SORCS3: variants seen among roughly 807,000 people sequenced by gnomAD.
SORCS3 encodes VPS10 domain-containing receptor SorCS3.
Under a neutral mutation model 146.3 loss-of-function variants are expected in SORCS3, and 57 were observed. The observed-to-expected ratio is 0.39, with a 90% CI of 0.31 to 0.49. The LOEUF is 0.49. Among genes scored for constraint, SORCS3 ranks in the 20% least tolerant of loss-of-function variants. The pLI, the probability that SORCS3 is intolerant of heterozygous loss-of-function variation, is 0.92. For synonymous variants in SORCS3, 653 were observed against 618.5 expected, an observed-to-expected ratio of 1.06 and a Z score of -0.83; for missense variants, 1,341 against 1,575.5, an observed-to-expected ratio of 0.85 and a Z score of 2.52.
intron 4 of SORCS3, among the ~76,000 whole-genome samples, chr10:105,005,664 C>G (rs77860677): frequency 0.023 from 3,573 of 152,208 alleles, 130 homozygotes; most frequent in African/African-American, 0.075. Flanking sequence ...TTTGTAACCT[C>G]TCTAAATAAA....
At chr10:104,758,389 C>T (rs2017082203) in intron 1 of SORCS3, among the ~76,000 whole-genome samples, 1 of 152,082 alleles carries the variant, frequency 6.6e-6, no homozygotes, top group African/African-American at 2.4e-5. Context: ...GCTATAATCT[C>T]ACTCATTTAT....
chr10:105,178,231 T>C (rs1269732252), intron 14 of SORCS3, 58 bp downstream of exon 14: 15 of 1,382,342 alleles, frequency 1.1e-5, no homozygotes, highest in South Asian at 7.7e-5. Context: ...TCTACTTTCA[T>C]TGAGGCCTTG....
intron 4 of SORCS3, among the ~76,000 whole-genome samples, chr10:105,034,766 A>G (rs1021658084): frequency 1.3e-5 from 2 of 152,210 alleles, no homozygotes; most frequent in Non-Finnish European, 2.9e-5. Context: ...AGGCTGCCAT[A>G]TTAACTGGCA....
chr10:104,984,541 A>G (rs575769858), intron 4 of SORCS3, among the ~76,000 whole-genome samples: 2 of 152,202 alleles, frequency 1.3e-5, no homozygotes, highest in South Asian at 4.1e-4. Context: ...TATCAAAGTC[A>G]TTTATAATGG....
chr10:104,722,341 G>T (rs1248832823), intron 1 of SORCS3, among the ~76,000 whole-genome samples: 2 of 152,194 alleles, frequency 1.3e-5, no homozygotes, highest in Admixed American at 6.5e-5. Flanking sequence ...CTTGATCATG[G>T]TGGATAAGCT....
At chr10:104,758,083 G>A (rs940533613) in intron 1 of SORCS3, among the ~76,000 whole-genome samples, 5 of 152,148 alleles carry the variant, frequency 3.3e-5, no homozygotes, top group Non-Finnish European at 7.4e-5. Context: ...TCCACACTGA[G>A]GAATGAAGTT....
chr10:104,674,250 G>A (rs2015889301), intron 1 of SORCS3, among the ~76,000 whole-genome samples: 1 of 152,180 alleles, frequency 6.6e-6, no homozygotes, highest in Non-Finnish European at 1.5e-5. Flanking sequence ...GCTCTAATGT[G>A]GTTCTAACAG....
chr10:104,808,023 G>C (rs929687517), intron 1 of SORCS3, among the ~76,000 whole-genome samples: 3 of 152,198 alleles, frequency 2.0e-5, no homozygotes, highest in Admixed American at 6.5e-5. Flanking sequence ...GCACAGGGGA[G>C]AGCTGAGGGA....
rs746192625 is a variant in SORCS3 at position 105,247,349 on chromosome 10, T to C, written c.3105+18T>C. On this transcript the variant is annotated intron_variant, in intron 22 of 26. Coordinates refer to ENST00000369701, the MANE Select transcript of SORCS3 (RefSeq NM_014978.3). ...TGGTTAAAGTAAGTTGGCTTTGTCTTTTTTTAAGTTCTTGTGAATAAAGAA... is the reference window on the plus strand; with the variant it reads ...TGGTTAAAGTAAGTTGGCTTTGTCTCTTTTTAAGTTCTTGTGAATAAAGAA... The C allele has an allele frequency of 1.4e-6, 2 of 1,419,130 alleles. No homozygotes were observed. The highest frequency in any genetic ancestry group is 2.3e-5 in the South Asian group (2 of 85,892). 87.9% of individuals were successfully genotyped at this position (1,419,130 alleles called of 1,614,324 possible).
chr10:105,118,953 T>C (rs527886516), intron 7 of SORCS3, among the ~76,000 whole-genome samples: 7 of 152,278 alleles, frequency 4.6e-5, no homozygotes, highest in African/African-American at 1.7e-4. Flanking sequence ...GCTGCATAAA[T>C]TTGCATAAGT....
intron 2 of SORCS3, among the ~76,000 whole-genome samples, chr10:104,915,510 A>T (rs898130859): frequency 4.0e-4 from 1 of 2,510 alleles, no homozygotes; most frequent in Admixed American, 5.1e-3. Context: ...CTCCACACAG[A>T]GCTGGGGTGG....
At chr10:104,905,848 A>G (rs1352181528) in intron 2 of SORCS3, among the ~76,000 whole-genome samples, 2 of 152,086 alleles carry the variant, frequency 1.3e-5, no homozygotes, top group Non-Finnish European at 2.9e-5. Flanking sequence ...CGGGCTGAAG[A>G]CTCTGGGAGG....
chr10:104,825,293 G>A (rs2017922707), intron 1 of SORCS3, among the ~76,000 whole-genome samples: 1 of 152,164 alleles, frequency 6.6e-6, no homozygotes, highest in Non-Finnish European at 1.5e-5. Context: ...ACTGAATGAA[G>A]GGCGTGATCT....
At chr10:104,950,906 C>T (rs1021000178) in intron 3 of SORCS3, among the ~76,000 whole-genome samples, 1 of 152,164 alleles carries the variant, frequency 6.6e-6, no homozygotes, top group African/African-American at 2.4e-5. Context: ...AGGCTGGCCT[C>T]TAAATATAAA....
At chr10:105,226,930 A>G (rs766740586) in intron 20 of SORCS3, among the ~76,000 whole-genome samples, 1 of 151,526 alleles carries the variant, frequency 6.6e-6, no homozygotes, top group Non-Finnish European at 1.5e-5. Flanking sequence ...TTCTGATTTT[A>G]TTTGAGTCTT....
chr10:104,894,642 A>T (rs2018781067), intron 2 of SORCS3, among the ~76,000 whole-genome samples: 1 of 152,210 alleles, frequency 6.6e-6, no homozygotes. Context: ...GGACCCATGC[A>T]CGAGGTATTT....
At chr10:105,045,021 GAAAA>G (rs35904016) in intron 5 of SORCS3, among the ~76,000 whole-genome samples, 30 of 117,998 alleles carry the variant, frequency 2.5e-4, no homozygotes, top group African/African-American at 2.7e-4. Context: ...TCCAGAATTC[GAAAA>G]AAAAAAAAAA....
chr10:104,850,232 G>A (rs1009769831), intron 2 of SORCS3, among the ~76,000 whole-genome samples: 12 of 152,160 alleles, frequency 7.9e-5, no homozygotes, highest in Admixed American at 2.6e-4. Flanking sequence ...AAATTTATGG[G>A]CCCTACCCAA....
At chr10:104,741,924 C>CATCTGT (rs1222696704) in intron 1 of SORCS3, among the ~76,000 whole-genome samples, 6 of 151,858 alleles carry the variant, frequency 4.0e-5, no homozygotes, top group African/African-American at 1.5e-4. Flanking sequence ...AAAATTCCAA[C>CATCTGT]ATCTGTATCC....
Sources: gnomAD v4.1 joint callset for allele counts (sites outside exome capture counted in the v4.1 genomes callset) on GRCh38, gnomAD v4.1.1 for gene constraint, MANE v1.5 for transcripts, NCBI Gene and HGNC (gene_info 2026-07-23, HGNC 2026-07-21) for gene names.